ZNF385D: variants seen among roughly 807,000 people sequenced by gnomAD.
The protein encoded by ZNF385D is zinc finger protein 659.
A neutral mutation model predicts 35.8 loss-of-function variants in ZNF385D; 15 were observed. That is an observed-to-expected ratio of 0.42 (90% CI 0.28 to 0.64). The LOEUF is 0.64. Ranked by LOEUF, ZNF385D falls within the 30% of genes least tolerant of loss-of-function variation. The pLI is 0.23. For missense variants in ZNF385D, 474 were observed against 494.6 expected (o/e 0.96, Z 0.39); for synonymous variants, 212 against 186.8 (o/e 1.13, Z -1.10).
At chr3:22,086,850 G>T (rs766004649) in intron 3 of ZNF385D, among the ~76,000 whole-genome samples, 7 of 152,026 alleles carry the variant, frequency 4.6e-5, no homozygotes, top group Admixed American at 2.6e-4. Flanking sequence ...ACCAAACACT[G>T]CATGTTGTCA....
chr3:22,260,055 C>A (rs1043299831), intron 2 of ZNF385D, among the ~76,000 whole-genome samples: 2 of 152,008 alleles, frequency 1.3e-5, no homozygotes, highest in South Asian at 4.1e-4. Flanking sequence ...TAATTGAAAA[C>A]ACAATCAATT....
chr3:21,829,674 C>T (rs1179757081), intron 3 of ZNF385D, among the ~76,000 whole-genome samples: 1 of 151,992 alleles, frequency 6.6e-6, no homozygotes, highest in Non-Finnish European at 1.5e-5. Flanking sequence ...GGAGGAGCAG[C>T]TGCAGTAGCC....
chr3:22,171,849 C>T (rs898263655), intron 2 of ZNF385D, among the ~76,000 whole-genome samples: 3 of 144,230 alleles, frequency 2.1e-5, no homozygotes, highest in Non-Finnish European at 4.5e-5. Context: ...TACATCCCAG[C>T]CTGGGCAACA....
chr3:21,841,818 G>C (rs1306008638), intron 3 of ZNF385D, among the ~76,000 whole-genome samples: 1 of 151,536 alleles, frequency 6.6e-6, no homozygotes, highest in Non-Finnish European at 1.5e-5. Flanking sequence ...TTTTAAGTTT[G>C]TAAATTCGCA....
chr3:21,673,153 C>A (rs1412180517), intron 1 of ZNF385D, among the ~76,000 whole-genome samples: 1 of 152,094 alleles, frequency 6.6e-6, no homozygotes, highest in Non-Finnish European at 1.5e-5. Context: ...CACCATGAAT[C>A]ATAACTAATA....
At chr3:21,791,529 C>T (rs1181001272) in intron 3 of ZNF385D, among the ~76,000 whole-genome samples, 1 of 152,198 alleles carries the variant, frequency 6.6e-6, no homozygotes, top group African/African-American at 2.4e-5. Context: ...AATTTCCTGT[C>T]CTGCTTTGGA....
chr3:21,482,712 T>G (rs1476794438), intron 4 of ZNF385D, among the ~76,000 whole-genome samples: 1 of 152,186 alleles, frequency 6.6e-6, no homozygotes, highest in East Asian at 1.9e-4. Flanking sequence ...TGTAAGGCTT[T>G]GAATAAACTC....
intron 3 of ZNF385D, among the ~76,000 whole-genome samples, chr3:22,114,185 T>C (rs1020199300): frequency 1.3e-5 from 2 of 151,938 alleles, no homozygotes; most frequent in African/African-American, 4.8e-5. Context: ...TAAGTGAAAA[T>C]TATTATTGTT....
intron 1 of ZNF385D, among the ~76,000 whole-genome samples, chr3:21,715,140 T>C (rs906362306): frequency 6.6e-6 from 1 of 152,158 alleles, no homozygotes. Flanking sequence ...ACAAGCGCAA[T>C]TTTGTTACAT....
chr3:22,207,598 A>T (rs1349374088), intron 2 of ZNF385D, among the ~76,000 whole-genome samples: 1 of 152,020 alleles, frequency 6.6e-6, no homozygotes, highest in Non-Finnish European at 1.5e-5. Context: ...ATGGGATGAC[A>T]TCACGTTAAC....
intron 3 of ZNF385D, among the ~76,000 whole-genome samples, chr3:21,923,558 G>T (rs1169233059): frequency 1.3e-5 from 2 of 152,140 alleles, no homozygotes; most frequent in Non-Finnish European, 2.9e-5. Flanking sequence ...ACATGCACTT[G>T]CATGTTCCTC....
At chr3:22,073,101 G>T (rs931461089) in intron 3 of ZNF385D, among the ~76,000 whole-genome samples, 1 of 151,976 alleles carries the variant, frequency 6.6e-6, no homozygotes, top group Admixed American at 6.6e-5. Flanking sequence ...CATAAGGGCA[G>T]AGACAAGCAG....
intron 4 of ZNF385D, among the ~76,000 whole-genome samples, chr3:21,481,508 T>G (rs940624138): frequency 1.3e-5 from 2 of 152,142 alleles, no homozygotes; most frequent in Non-Finnish European, 2.9e-5. Flanking sequence ...CCTCATGAGA[T>G]AGACCAGTCT....
chr3:22,291,016 G>T lies in ZNF385D; in HGVS notation c.106+81434C>A, dbSNP rs572861216. On this transcript the variant is annotated intron_variant, in intron 2 of 5. Coordinates refer to the ZNF385D transcript ENST00000494108. Reference sequence around the variant, plus strand: ...TATGGGCACTACTCCCATCAATGAAGGACTTACCTTCAAGACTTGAGCAAA... The same window carrying T: ...TATGGGCACTACTCCCATCAATGAATGACTTACCTTCAAGACTTGAGCAAA... Among the ~76,000 whole-genome samples, 6 of 152,224 alleles carry T rather than the reference G, an allele frequency of 3.9e-5. No individual in the cohort carries two copies. In the South Asian group the frequency reaches 8.3e-4, roughly 21 times the overall value.
At chr3:22,165,027 G>A (rs1427269569) in intron 3 of ZNF385D, among the ~76,000 whole-genome samples, 1 of 152,194 alleles carries the variant, frequency 6.6e-6, no homozygotes, top group Non-Finnish European at 1.5e-5. Flanking sequence ...AATAGGCAGA[G>A]CACAGAGGAC....
At chr3:21,617,478 G>A (rs2064880408) in intron 2 of ZNF385D, among the ~76,000 whole-genome samples, 2 of 152,284 alleles carry the variant, frequency 1.3e-5, no homozygotes, top group South Asian at 2.1e-4. Flanking sequence ...ATTACAGAGT[G>A]CTCCCGTGGT....
At chr3:21,890,503 C>A (rs1369671004) in intron 3 of ZNF385D, among the ~76,000 whole-genome samples, 1 of 152,076 alleles carries the variant, frequency 6.6e-6, no homozygotes, top group Non-Finnish European at 1.5e-5. Context: ...CCTGTAATCC[C>A]AGCTACTCAG....
intron 3 of ZNF385D, among the ~76,000 whole-genome samples, chr3:22,122,902 C>A (rs146804032): frequency 6.6e-6 from 1 of 152,180 alleles, no homozygotes; most frequent in Non-Finnish European, 1.5e-5. Context: ...TATGGGTGAA[C>A]GCCATAAGTG....
At chr3:21,495,367 G>A (rs1261449752) in intron 4 of ZNF385D, among the ~76,000 whole-genome samples, 1 of 151,948 alleles carries the variant, frequency 6.6e-6, no homozygotes, top group Non-Finnish European at 1.5e-5. Flanking sequence ...AGTTCCAACA[G>A]CACAATGAAA....
Sources: gnomAD v4.1 joint callset for allele counts (sites outside exome capture counted in the v4.1 genomes callset) on GRCh38, gnomAD v4.1.1 for gene constraint, MANE v1.5 for transcripts, NCBI Gene and HGNC (gene_info 2026-07-23, HGNC 2026-07-21) for gene names.